Variants in RICTOR observed in about 807,000 individuals in gnomAD.
The protein encoded by RICTOR is RPTOR independent companion of MTOR complex 2, also known as rapamycin-insensitive companion of mTOR.
A neutral mutation model predicts 214.9 loss-of-function variants in RICTOR; 49 were observed. That is an observed-to-expected ratio of 0.23 (90% confidence interval 0.18 to 0.29). The LOEUF is 0.29. Ranked by LOEUF, RICTOR falls within the 10% of genes least tolerant of loss-of-function variation. RICTOR has a pLI of 1.00. For synonymous variants in RICTOR, 717 were observed against 711.3 expected, an observed-to-expected ratio of 1.01 and a Z score of -0.13; for missense variants, 1,625 against 2,047.0, an observed-to-expected ratio of 0.79 and a Z score of 3.98.
intron 2 of RICTOR, among the ~76,000 whole-genome samples, chr5:39,062,550 T>C (rs557063894): frequency 5.9e-5 from 9 of 152,210 alleles, no homozygotes; most frequent in African/African-American, 2.2e-4. Context: ...ACACTAAGCA[T>C]GGAAATAAAT....
chr5:38,964,703 C>A, intron 16 of RICTOR, 89 bp downstream of exon 16: 1 of 596,006 alleles, frequency 1.7e-6, no homozygotes, highest in South Asian at 3.1e-5. Flanking sequence ...ATAACCTATC[C>A]ATACTATTTT....
In RICTOR at chr5:38,971,961, TAA is replaced by T; in HGVS notation, c.890-4_890-3del. 7.7e-7 allele frequency: 1 copy of T among 1,304,962 alleles called. No individual in the cohort carries two copies. Among genetic ancestry groups the T allele is most frequent in the African/African-American group, 1.5e-5 (1 of 67,518 alleles). The allele number at this position is 1,304,962 out of a possible 1,614,324, so 80.8% of individuals were successfully genotyped here. On this transcript the variant is annotated splice_polypyrimidine_tract_variant and splice_region_variant and intron_variant, in intron 10 of 37. Transcript: ENST00000357387. Reference sequence around the variant, plus strand: ...CAGGTTTACATAAATTAATAATACCTAAAGAGGACAGAAAGAAAAAAAAATCA... The same window carrying T: ...CAGGTTTACATAAATTAATAATACCTAGAGGACAGAAAGAAAAAAAAATCA...
chr5:39,057,413 C>T (rs748784647), intron 2 of RICTOR, among the ~76,000 whole-genome samples: 5 of 152,032 alleles, frequency 3.3e-5, no homozygotes, highest in Non-Finnish European at 5.9e-5. Flanking sequence ...CCATAAACTA[C>T]ATTTAGTAAT....
intron 2 of RICTOR, among the ~76,000 whole-genome samples, chr5:39,073,683 C>A (rs1057417577): frequency 6.6e-6 from 1 of 152,140 alleles, no homozygotes; most frequent in African/African-American, 2.4e-5. Flanking sequence ...GCTCCGGGGA[C>A]GGGGAGGGCA....
chr5:39,054,509 A>G (rs1758074770), intron 2 of RICTOR, among the ~76,000 whole-genome samples: 1 of 152,246 alleles, frequency 6.6e-6, no homozygotes, highest in Non-Finnish European at 1.5e-5. Context: ...GGATAGATTC[A>G]ACATCTAAAT....
chr5:38,987,643 CTT>C (rs1752275640), intron 7 of RICTOR, among the ~76,000 whole-genome samples: 2 of 151,948 alleles, frequency 1.3e-5, no homozygotes, highest in African/African-American at 4.8e-5. Flanking sequence ...TTTTGTTAAT[CTT>C]TTCAAAAAAC....
intron 10 of RICTOR, among the ~76,000 whole-genome samples, chr5:38,973,438 T>C (rs772238303): frequency 3.3e-5 from 5 of 152,194 alleles, no homozygotes; most frequent in Admixed American, 6.5e-5. Flanking sequence ...TGGACAGATA[T>C]ATAATACAGC....
chr5:39,005,282 C>A (rs1207129683), intron 3 of RICTOR, among the ~76,000 whole-genome samples: 1 of 151,894 alleles, frequency 6.6e-6, no homozygotes, highest in Non-Finnish European at 1.5e-5. Context: ...CCAAACTCTC[C>A]TTCTGGTAAT....
chr5:38,973,717 T>G (rs1750974373), intron 10 of RICTOR, among the ~76,000 whole-genome samples: 1 of 152,280 alleles, frequency 6.6e-6, no homozygotes, highest in South Asian at 2.1e-4. Flanking sequence ...TTTCGCAAAT[T>G]TTGATGTCTG....
intron 2 of RICTOR, among the ~76,000 whole-genome samples, chr5:39,055,018 A>C (rs1447891397): frequency 2.0e-5 from 3 of 152,182 alleles, no homozygotes; most frequent in African/African-American, 7.2e-5. Context: ...GAATGAAAGA[A>C]TTCATTCATT....
intron 2 of RICTOR, among the ~76,000 whole-genome samples, chr5:39,032,466 T>C (rs972301305): frequency 6.6e-6 from 1 of 152,192 alleles, no homozygotes; most frequent in Non-Finnish European, 1.5e-5. Flanking sequence ...TACTAAAAAC[T>C]GAACATGGAC....
In RICTOR at chr5:38,962,502, TA is replaced by T; in HGVS notation, c.1650del (p.Ile551Ter). On this transcript the variant is annotated frameshift_variant, in exon 18 of 38. Coordinates refer to ENST00000357387, the MANE Select transcript of RICTOR (RefSeq NM_152756.5). LOFTEE classifies it high-confidence loss of function. ...TTTCATACCTTAAGAATGGTCCCTA[TA>T]AGATTCCAATTCCATTCAAGATTCT... ...HKENLEWNWN[L>X]IGTILKWPNV... 1 of 1,562,158 alleles carries T rather than the reference TA, an allele frequency of 6.4e-7. No homozygotes were observed. Among genetic ancestry groups the T allele is most frequent in the Non-Finnish European group, 8.8e-7 (1 of 1,141,466 alleles).
chr5:39,035,492 G>A (rs546683328), intron 2 of RICTOR, among the ~76,000 whole-genome samples: 1 of 152,336 alleles, frequency 6.6e-6, no homozygotes, highest in East Asian at 1.9e-4. Context: ...GACGAGTTGA[G>A]AGAAGAAGGC....
chr5:38,983,404 AC>A (rs1751888688), intron 7 of RICTOR, among the ~76,000 whole-genome samples: 2 of 152,330 alleles, frequency 1.3e-5, no homozygotes, highest in African/African-American at 4.8e-5. Flanking sequence ...TATATAAGAT[AC>A]CATCTACAAA....
rs1031994206 is a variant in RICTOR at position 38,945,306 on chromosome 5, C to G, written c.4633+185G>C. ...AATCCAGGGATCTGTCAGACTCAGG[C>G]CCCACTGTGACCTGGAACCGTGAGA... On this transcript the variant is annotated intron_variant, in intron 34 of 37. Coordinates refer to ENST00000357387, the MANE Select transcript of RICTOR (RefSeq NM_152756.5). 4.1e-5 allele frequency: 25 copies of G among 613,402 alleles called. 1 individual carries two copies. In the Admixed American group the frequency reaches 6.6e-4, roughly 16 times the overall value. 38.0% of individuals were successfully genotyped at this position (613,402 alleles called of 1,614,324 possible).
chr5:38,986,846 T>C (rs1465561041), intron 7 of RICTOR, among the ~76,000 whole-genome samples: 1 of 152,238 alleles, frequency 6.6e-6, no homozygotes, highest in African/African-American at 2.4e-5. Context: ...CAGTATGATA[T>C]TGGCTGTGGA....
intron 3 of RICTOR, among the ~76,000 whole-genome samples, chr5:39,003,938 C>T (rs1235937453): frequency 6.6e-6 from 1 of 152,086 alleles, no homozygotes; most frequent in Admixed American, 6.5e-5. Context: ...TTACAACATG[C>T]ATTGTTGACT....
In RICTOR at chr5:38,975,684, A is replaced by G. The variant is rs1055640005; in HGVS notation, c.822-80T>C. On this transcript the variant is annotated intron_variant, in intron 9 of 37. Transcript: ENST00000357387. ...AGTTTTTTCCTGCTACTAAATCACA[A>G]TAAGAGCTATCACTAATGTTTAAAC... 7.2e-6 allele frequency: 7 copies of G among 977,330 alleles called. No individual in the cohort carries two copies. The Admixed American group carries it at 7.5e-5, about 11-fold the overall frequency. The allele number at this position is 977,330 out of a possible 1,614,324, so 60.5% of individuals were successfully genotyped here.
chr5:39,019,518 A>G (rs1377579396), intron 3 of RICTOR, among the ~76,000 whole-genome samples: 2 of 152,194 alleles, frequency 1.3e-5, no homozygotes, highest in Admixed American at 6.5e-5. Context: ...CAAATGGAAC[A>G]AGGCCTGGAT....
Sources: gnomAD v4.1 joint callset for allele counts (sites outside exome capture counted in the v4.1 genomes callset) on GRCh38, gnomAD v4.1.1 for gene constraint, MANE v1.5 for transcripts, NCBI Gene and HGNC (gene_info 2026-07-23, HGNC 2026-07-21) for gene names.